THSD4: variants seen among roughly 807,000 people sequenced by gnomAD.
The protein encoded by THSD4 is thrombospondin type-1 domain-containing protein 4.
Under a neutral mutation model 119.0 loss-of-function variants are expected in THSD4, and 69 were observed. The ratio of observed to expected loss-of-function variants is 0.58; its 90% CI spans 0.48 to 0.71. The LOEUF is 0.71. Ranked by LOEUF, THSD4 falls within the 30% of genes least tolerant of loss-of-function variation. THSD4 has a pLI of 0.00. For synonymous variants in THSD4, 524 were observed against 540.4 expected (o/e 0.97, Z 0.42); for missense variants, 1,393 against 1,391.1 (o/e 1.00, Z -0.02).
chr15:71,147,229 G>C (rs1156524312), intron 2 of THSD4, among the ~76,000 whole-genome samples: 2 of 152,156 alleles, frequency 1.3e-5, no homozygotes, highest in Non-Finnish European at 2.9e-5. Flanking sequence ...TTTAGAGACA[G>C]GGTCTCTCTC....
rs142512275 is a variant in THSD4, at chr15:71,521,708, G to GT, written c.1152+109893dup. ...TCATTAACCTGTAGATCAGTTTGGGGTTTTTTTTGACTCACCTGGTGGATC... is the reference window on the plus strand; with the variant it reads ...TCATTAACCTGTAGATCAGTTTGGGGTTTTTTTTTGACTCACCTGGTGGATC... On this transcript the variant is annotated intron_variant, in intron 7 of 17. Transcript: ENST00000261862. Among the ~76,000 whole-genome samples, 1,172 of 151,864 alleles carry GT rather than the reference G, an allele frequency of 7.7e-3. 18 individuals carry two copies. The highest frequency in any genetic ancestry group is 0.067 in the South Asian group (323 of 4,788).
At chr15:71,632,875 G>C (rs555735197) in intron 7 of THSD4, among the ~76,000 whole-genome samples, 1 of 152,198 alleles carries the variant, frequency 6.6e-6, no homozygotes, top group South Asian at 2.1e-4. Context: ...AGGCTAATTC[G>C]TGAGTGAGAG....
At chr15:71,693,757 G>A (rs2052103417) in intron 8 of THSD4, among the ~76,000 whole-genome samples, 1 of 152,118 alleles carries the variant, frequency 6.6e-6, no homozygotes, top group Admixed American at 6.5e-5. Flanking sequence ...AGTCTCCCGA[G>A]ATTTGATGAT....
intron 8 of THSD4, among the ~76,000 whole-genome samples, chr15:71,713,207 A>G (rs948801546): frequency 2.0e-5 from 3 of 152,210 alleles, no homozygotes; most frequent in African/African-American, 7.2e-5. Context: ...GGTCCCTCCC[A>G]TTGGGCAGGA....
intron 7 of THSD4, among the ~76,000 whole-genome samples, chr15:71,600,924 T>C (rs1203638297): frequency 1.3e-5 from 2 of 152,152 alleles, no homozygotes; most frequent in Non-Finnish European, 2.9e-5. Flanking sequence ...TTTTTGTATT[T>C]TTAGTAGATA....
intron 7 of THSD4, among the ~76,000 whole-genome samples, chr15:71,437,192 T>C (rs2047024456): frequency 6.6e-6 from 1 of 152,136 alleles, no homozygotes; most frequent in African/African-American, 2.4e-5. Context: ...TTTTAAGCAA[T>C]CAGATCTCAC....
At chr15:71,401,802 C>T (rs1268478957) in intron 6 of THSD4, among the ~76,000 whole-genome samples, 1 of 152,184 alleles carries the variant, frequency 6.6e-6, no homozygotes, top group Non-Finnish European at 1.5e-5. Context: ...CATATGCACA[C>T]ATATGCTTAT....
At chr15:71,438,687 GTATTCAATTC>G (rs146405612) in intron 7 of THSD4, among the ~76,000 whole-genome samples, 16,480 of 151,986 alleles carry the variant, frequency 0.11, 1,781 homozygotes, top group African/African-American at 0.28. Context: ...TTTTGGCTTT[GTATTCAATTC>G]TATGAATCTC....
At chr15:71,226,042 T>C (rs1054636377) in intron 4 of THSD4, among the ~76,000 whole-genome samples, 1 of 152,076 alleles carries the variant, frequency 6.6e-6, no homozygotes, top group Non-Finnish European at 1.5e-5. Context: ...TTTCGTGCCT[T>C]GTAGAAACCC....
chr15:71,758,024 C>T lies in THSD4; in HGVS notation c.2538C>T (p.Asp846=), dbSNP rs1410000366. 1 of 1,611,862 alleles carries T rather than the reference C, an allele frequency of 6.2e-7. No homozygotes were observed. Among genetic ancestry groups the T allele is most frequent in the Middle Eastern group, 1.6e-4 (1 of 6,062 alleles). ...NNRPAEATPC[D]NGPCTGKVEW... is the part of the protein sequence containing the mutation. The stretch of plus-strand genomic sequence containing the variant: ...GGCCGGCAGAGGCCACCCCATGTGA[C>T]AACGGACCCTGCACGGGCAAGGTGG... The change falls in exon 15 of 18, where the codon GAC becomes GAT. Residue 846 remains aspartate, a synonymous_variant. Coordinates refer to ENST00000261862, the MANE Select transcript of THSD4 (RefSeq NM_024817.3).
chr15:71,194,467 G>A (rs919269626), intron 3 of THSD4, among the ~76,000 whole-genome samples: 3 of 152,152 alleles, frequency 2.0e-5, no homozygotes, highest in African/African-American at 7.2e-5. Context: ...ACTCAGGGTC[G>A]GGGCATGGAT....
intron 8 of THSD4, among the ~76,000 whole-genome samples, chr15:71,715,789 T>C (rs1021099431): frequency 3.3e-5 from 5 of 149,266 alleles, no homozygotes; most frequent in Non-Finnish European, 7.4e-5. Context: ...TTTTTTTTTT[T>C]CCTCTATTTA....
intron 6 of THSD4, chr15:71,341,791 C>G (rs1258947569): frequency 1.3e-6 from 1 of 778,796 alleles, no homozygotes; most frequent in Non-Finnish European, 2.4e-6. Context: ...CCCTCACAAC[C>G]CTCTTTTCTT....
intron 7 of THSD4, among the ~76,000 whole-genome samples, chr15:71,494,268 G>A (rs1001572278): frequency 1.3e-5 from 2 of 152,074 alleles, no homozygotes; most frequent in African/African-American, 4.8e-5. Flanking sequence ...TAATAAAATA[G>A]GTGAATACTA....
rs369070920 is a variant in THSD4, at chr15:71,179,996, G to A, written c.99+25064G>A. Among the ~76,000 whole-genome samples the A allele has an allele frequency of 4.0e-3, 395 of 97,944 alleles. 16 individuals are homozygous for A. The East Asian group carries it at 0.042, about 11-fold the overall frequency. 64.3% of individuals were successfully genotyped at this position (97,944 alleles called of 152,430 possible). A position where few individuals can be genotyped will look rare whatever the true frequency, so the allele number is the denominator to read the frequency against. ...ATCACACTCTGGGGACTGTGGTGGG[G>A]TCGGGGGAGGGGGGAGGGATAGCAT... On this transcript the variant is annotated intron_variant, in intron 3 of 17. Transcript: ENST00000261862.
At chr15:71,311,434 T>C (rs1233964206) in intron 6 of THSD4, among the ~76,000 whole-genome samples, 1 of 152,192 alleles carries the variant, frequency 6.6e-6, no homozygotes, top group Non-Finnish European at 1.5e-5. Context: ...CGACATTCTC[T>C]GGCATGGGTG....
intron 7 of THSD4, among the ~76,000 whole-genome samples, chr15:71,439,615 A>T (rs996837730): frequency 6.6e-6 from 1 of 152,204 alleles, no homozygotes; most frequent in African/African-American, 2.4e-5. Context: ...AACCAACCCA[A>T]ATGTCCATCA....
intron 6 of THSD4, among the ~76,000 whole-genome samples, chr15:71,354,178 C>T (rs966510688): frequency 6.6e-6 from 1 of 152,198 alleles, no homozygotes; most frequent in Non-Finnish European, 1.5e-5. Flanking sequence ...TACCTGTAGT[C>T]CCTGCTATTG....
At chr15:71,497,079 C>T (rs1243033923) in intron 7 of THSD4, among the ~76,000 whole-genome samples, 1 of 152,134 alleles carries the variant, frequency 6.6e-6, no homozygotes, top group Non-Finnish European at 1.5e-5. Flanking sequence ...AGTATTTTGC[C>T]AAAGGAAAGA....
Sources: allele counts gnomAD v4.1 joint callset (sites outside exome capture counted in the v4.1 genomes callset), GRCh38; gene constraint gnomAD v4.1.1; transcripts MANE v1.5; gene names NCBI Gene and HGNC (gene_info 2026-07-23, HGNC 2026-07-21).